Variants in GLB1 observed in about 807,000 individuals in gnomAD.
GLB1 encodes galactosidase beta 1.
In GLB1, 56 loss-of-function variants were observed where a neutral mutation model predicts 74.0. The observed-to-expected ratio is 0.76, with a 90% CI of 0.61 to 0.94. The LOEUF is 0.94. Among genes scored for constraint, GLB1 ranks in the 40% least tolerant of loss-of-function variants. The pLI, the probability that GLB1 is intolerant of heterozygous loss-of-function variation, is 0.00. For missense variants in GLB1, 787 were observed against 845.5 expected (o/e 0.93, Z 0.86); for synonymous variants, 323 against 323.6 (o/e 1.00, Z 0.02).
intron 6 of GLB1, 149 bp downstream of exon 6, chr3:33,057,940 G>T: frequency 2.8e-6 from 3 of 1,058,694 alleles, no homozygotes; most frequent in South Asian, 3.0e-5. Flanking sequence ...ACTGAGGGGT[G>T]CAAGTATTCT....
At chr3:32,980,185 G>A in the GLB1 span, among the ~76,000 whole-genome samples, 17 of 152,036 alleles carry the variant, frequency 1.1e-4, no homozygotes, top group South Asian at 2.1e-4. Flanking sequence ...TTTTAACTTC[G>A]AAACCGTTAA....
At chr3:33,056,849 G>T (rs1699243268) in intron 6 of GLB1, among the ~76,000 whole-genome samples, 1 of 152,068 alleles carries the variant, frequency 6.6e-6, no homozygotes, top group Non-Finnish European at 1.5e-5. Context: ...TAAAAATCAG[G>T]AAATTATACT....
downstream of GLB1, among the ~76,000 whole-genome samples, chr3:32,996,323 T>G (rs1166701875): frequency 6.6e-6 from 1 of 152,222 alleles, no homozygotes; most frequent in Non-Finnish European, 1.5e-5. Flanking sequence ...CTGTACTGTG[T>G]GAATATGTGA....
chr3:33,016,366 C>CT (rs922176933), intron 14 of GLB1, among the ~76,000 whole-genome samples: 5 of 152,030 alleles, frequency 3.3e-5, no homozygotes, highest in African/African-American at 9.7e-5. Context: ...TCAACTACTT[C>CT]TTTTTTTTGA....
the GLB1 span, among the ~76,000 whole-genome samples, chr3:32,963,412 C>A: frequency 1.3e-5 from 2 of 152,044 alleles, no homozygotes; most frequent in African/African-American, 2.4e-5. Flanking sequence ...AATTCAGAAG[C>A]CATGAAGGAA....
chr3:33,093,832 G>C lies in GLB1; in HGVS notation c.75+3179C>G, dbSNP rs776615719. 6.2e-7 allele frequency: 1 copy of C among 1,613,642 alleles called. No homozygotes were observed. The highest frequency in any genetic ancestry group is 8.5e-7 in the Non-Finnish European group (1 of 1,179,766). On this transcript the variant is annotated intron_variant, in intron 1 of 15. Coordinates refer to ENST00000307363, the MANE Select transcript of GLB1 (RefSeq NM_000404.4). The surrounding 1 kb of genome is among the most constrained non-coding windows in gnomAD (Gnocchi z 6.0). Reference sequence around the variant, plus strand: ...AAGAGCATGATGATGTAAGCACCCAGGCAGGAGTAGGCCGCCAAGGAAAAG... The same window carrying C: ...AAGAGCATGATGATGTAAGCACCCACGCAGGAGTAGGCCGCCAAGGAAAAG...
chr3:32,975,509 G>T, the GLB1 span, among the ~76,000 whole-genome samples: 3 of 152,088 alleles, frequency 2.0e-5, no homozygotes, highest in African/African-American at 7.2e-5. Flanking sequence ...GCAGATATAG[G>T]TTTTTTTGGT....
intron 1 of GLB1, among the ~76,000 whole-genome samples, chr3:33,095,921 G>C (rs978113697): frequency 2.6e-5 from 4 of 152,190 alleles, no homozygotes; most frequent in African/African-American, 9.7e-5. Flanking sequence ...GGTGAAGAGG[G>C]AGCAGCAAAT....
At chr3:33,087,096 G>T (rs979468830) in intron 1 of GLB1, among the ~76,000 whole-genome samples, 2 of 151,800 alleles carry the variant, frequency 1.3e-5, no homozygotes, top group Non-Finnish European at 2.9e-5. Context: ...CATTATAACT[G>T]ATGACACAGA....
At chr3:33,076,262 G>C (rs572510035) in intron 1 of GLB1, among the ~76,000 whole-genome samples, 2 of 152,278 alleles carry the variant, frequency 1.3e-5, no homozygotes, top group Admixed American at 6.5e-5. Flanking sequence ...TGTGAGGCCT[G>C]GGGGAGGGAG....
At chr3:33,034,598 T>C (rs1698192728) in intron 10 of GLB1, 4 of 718,730 alleles carry the variant, frequency 5.6e-6, no homozygotes, top group Admixed American at 3.8e-5. Context: ...GGGAAATATA[T>C]GGTCTCCCAA....
intron 15 of GLB1, among the ~76,000 whole-genome samples, chr3:33,009,122 A>AAATAAATAAATAAAT (rs1696908372): frequency 7.3e-6 from 1 of 137,442 alleles, no homozygotes. Flanking sequence ...TCCATCTTAA[A>AAATAAATAAATAAAT]AAATAAATAA....
intron 13 of GLB1, 82 bp downstream of exon 13, chr3:33,018,366 C>T (rs529380230): frequency 6.2e-6 from 8 of 1,298,002 alleles, no homozygotes; most frequent in Admixed American, 5.4e-5. Flanking sequence ...GAGCAAAGAC[C>T]CCAAATGCTG....
intron 15 of GLB1, among the ~76,000 whole-genome samples, chr3:32,999,339 G>A (rs912857356): frequency 2.0e-5 from 3 of 152,110 alleles, no homozygotes; most frequent in East Asian, 3.9e-4. Context: ...TTACTTTTGC[G>A]GTCAAGGGGG....
chr3:33,021,282 G>T, intron 12 of GLB1: 1 of 469,178 alleles, frequency 2.1e-6, no homozygotes, highest in Non-Finnish European at 3.9e-6. Flanking sequence ...TAATTAGATT[G>T]GTCAGTGAAC....
At chr3:33,062,315 A>G (rs1388176516) in intron 5 of GLB1, among the ~76,000 whole-genome samples, 1 of 152,010 alleles carries the variant, frequency 6.6e-6, no homozygotes, top group African/African-American at 2.4e-5. Flanking sequence ...ACACGGGTGC[A>G]TGGCAGCATA....
intron 15 of GLB1, among the ~76,000 whole-genome samples, chr3:32,999,614 G>A (rs1400849774): frequency 6.6e-6 from 1 of 152,144 alleles, no homozygotes; most frequent in Non-Finnish European, 1.5e-5. Flanking sequence ...GATGGTTCTG[G>A]GTTAGCGTTG....
At chr3:33,007,685 G>A (rs73826337) in intron 15 of GLB1, among the ~76,000 whole-genome samples, 22,236 of 152,234 alleles carry the variant, frequency 0.15, 1,695 homozygotes, top group East Asian at 0.24. Context: ...TTGTGTACAA[G>A]TGTTTGAGTG....
At chr3:33,051,044 C>T (rs967080767) in intron 9 of GLB1, among the ~76,000 whole-genome samples, 8 of 151,802 alleles carry the variant, frequency 5.3e-5, no homozygotes, top group South Asian at 2.1e-4. Flanking sequence ...CTGGCTAACA[C>T]GGTGAAACCC....
Sources: allele counts gnomAD v4.1 joint callset (sites outside exome capture counted in the v4.1 genomes callset), GRCh38; gene constraint gnomAD v4.1.1; non-coding constraint Gnocchi (gnomAD v3.1); transcripts MANE v1.5; gene names NCBI Gene and HGNC (gene_info 2026-07-23, HGNC 2026-07-21).